Variants in DEPTOR observed in about 807,000 individuals in gnomAD.
DEPTOR encodes DEP domain-containing mTOR-interacting protein.
Under a neutral mutation model 41.6 loss-of-function variants are expected in DEPTOR, and 41 were observed. That is an observed-to-expected ratio of 0.98 (90% CI 0.77 to 1.28). The LOEUF (loss-of-function observed/expected upper bound fraction) is 1.28, where lower values mean the gene tolerates loss of function less well. Among genes scored for constraint, DEPTOR ranks in the 50% most tolerant of loss-of-function variants. The pLI, the probability that DEPTOR is intolerant of heterozygous loss-of-function variation, is 0.00. For synonymous variants in DEPTOR, 195 were observed against 192.3 expected, an observed-to-expected ratio of 1.01 and a Z score of -0.12; for missense variants, 514 against 527.9, an observed-to-expected ratio of 0.97 and a Z score of 0.26.
At chr8:120,034,725 C>G (rs2139434) in intron 8 of DEPTOR, among the ~76,000 whole-genome samples, 2 of 151,902 alleles carry the variant, frequency 1.3e-5, no homozygotes, top group African/African-American at 4.8e-5. Flanking sequence ...GCTGGGATTA[C>G]AGGCATGAGT....
At chr8:120,000,312 C>A (rs1319853593) in intron 4 of DEPTOR, among the ~76,000 whole-genome samples, 1 of 152,032 alleles carries the variant, frequency 6.6e-6, no homozygotes, top group Non-Finnish European at 1.5e-5. Context: ...AACCCCAAGG[C>A]CCCCCTCCAG....
chr8:120,004,796 T>C (rs1220622483), intron 6 of DEPTOR, among the ~76,000 whole-genome samples: 1 of 152,112 alleles, frequency 6.6e-6, no homozygotes, highest in Non-Finnish European at 1.5e-5. Context: ...TCTCTCTCAC[T>C]CTTAAGAGGA....
chr8:119,971,230 CAA>C (rs36009381), intron 4 of DEPTOR, among the ~76,000 whole-genome samples: 65,222 of 108,648 alleles, frequency 0.6, 16,111 homozygotes, highest in Middle Eastern at 0.73. Context: ...GACTCCGTCT[CAA>C]AAAAAAAAAA....
chr8:119,993,994 T>C (rs964066131), intron 4 of DEPTOR, among the ~76,000 whole-genome samples: 1 of 151,880 alleles, frequency 6.6e-6, no homozygotes. Flanking sequence ...CCATCTCTAC[T>C]AAAAATACAA....
At chr8:119,971,230 C>CA (rs36009381) in intron 4 of DEPTOR, among the ~76,000 whole-genome samples, 5,322 of 109,342 alleles carry the variant, frequency 0.049, 127 homozygotes, top group African/African-American at 0.082. Context: ...GACTCCGTCT[C>CA]AAAAAAAAAA....
intron 8 of DEPTOR, among the ~76,000 whole-genome samples, chr8:120,030,498 T>TTTG (rs1812872504): frequency 4.6e-5 from 2 of 43,670 alleles, no homozygotes; most frequent in South Asian, 7.0e-4. Flanking sequence ...GGTTCATCAG[T>TTTG]TTTTTTTTTT....
rs1171655489 is a variant in DEPTOR at position 120,030,497 on chromosome 8, G to GTTTTTTTTTTTTTTTTT, written c.1102-19067_1102-19051dup. Reference sequence around the variant, plus strand: ...AATGATGTATTGTGTAGGTTCATCAGTTTTTTTTTTTTTTTTTTTTTTTTT... The same window carrying GTTTTTTTTTTTTTTTTT: ...AATGATGTATTGTGTAGGTTCATCAGTTTTTTTTTTTTTTTTTTTTTTTTTTTTTTTTTTTTTTTTTT... On this transcript the variant is annotated intron_variant, in intron 8 of 8. Transcript: ENST00000286234. Among the ~76,000 whole-genome samples the GTTTTTTTTTTTTTTTTT allele has an allele frequency of 7.4e-4, 34 of 46,216 alleles. 5 individuals are homozygous for GTTTTTTTTTTTTTTTTT. The highest frequency in any genetic ancestry group is 1.3e-3 in the East Asian group (2 of 1,490). The allele number at this position is 46,216 out of a possible 152,430, so 30.3% of individuals were successfully genotyped here.
chr8:119,972,365 G>A (rs912060329), intron 4 of DEPTOR, among the ~76,000 whole-genome samples: 11 of 152,186 alleles, frequency 7.2e-5, no homozygotes, highest in African/African-American at 2.7e-4. Flanking sequence ...GCTCAGGCCT[G>A]TAATCCCAGC....
At chr8:119,933,328 A>G (rs1313185513) in intron 3 of DEPTOR, among the ~76,000 whole-genome samples, 1 of 151,882 alleles carries the variant, frequency 6.6e-6, no homozygotes, top group Non-Finnish European at 1.5e-5. Flanking sequence ...TATCTCTACT[A>G]AAAATATAAA....
chr8:119,916,224 C>G (rs538430717), intron 1 of DEPTOR, among the ~76,000 whole-genome samples: 2 of 151,266 alleles, frequency 1.3e-5, no homozygotes, highest in Non-Finnish European at 1.5e-5. Flanking sequence ...CTTAGTCTCC[C>G]GAGTAGCTGG....
intron 1 of DEPTOR, 34 bp downstream of exon 1, chr8:119,874,002 T>C (rs1409796933): frequency 1.2e-6 from 2 of 1,611,836 alleles, no homozygotes; most frequent in African/African-American, 2.7e-5. Flanking sequence ...GAGCTCACGA[T>C]GGCACTGCCA....
intron 4 of DEPTOR, among the ~76,000 whole-genome samples, chr8:119,985,826 CTTTTTTTTTTTTTTTTTTTTTTTTTT>C (rs999602227): frequency 9.6e-5 from 4 of 41,634 alleles, no homozygotes; most frequent in Admixed American, 6.8e-4. Context: ...AACCCCTGCT[CTTTTTTTTTTTTTTTTTTTTTTTTTT>C]TTTTTTTTTT....
At chr8:119,988,555 T>G (rs1828858193) in intron 4 of DEPTOR, among the ~76,000 whole-genome samples, 1 of 152,170 alleles carries the variant, frequency 6.6e-6, no homozygotes, top group African/African-American at 2.4e-5. Flanking sequence ...TGATCTTGGT[T>G]CACTGTAACC....
In DEPTOR at chr8:119,920,094, G is replaced by GTTT. The variant is rs3029098; in HGVS notation, c.123-8298_123-8296dup. 6.2e-3 allele frequency among the ~76,000 whole-genome samples: 934 copies of GTTT among 150,932 alleles called. 5 individuals carry two copies. Among genetic ancestry groups the GTTT allele is most frequent in the Middle Eastern group, 0.01 (3 of 292 alleles). ...GCTGTCTGAGATGAATAATAGGAAGGTTTTTTTTTTCTTAATTTATATTTC... is the reference window on the plus strand; with the variant it reads ...GCTGTCTGAGATGAATAATAGGAAGGTTTTTTTTTTTTTCTTAATTTATATTTC... On this transcript the variant is annotated intron_variant, in intron 1 of 8. Coordinates refer to ENST00000286234, the MANE Select transcript of DEPTOR (RefSeq NM_022783.4).
Position 119,928,507 on chromosome 8 carries a change from A to G in DEPTOR, c.230A>G (p.Lys77Arg), listed in dbSNP as rs1269693111. ...CTGATTGACTGGCTGATTGAACACA[A>G]AGAGGCTTCTGACAGAGAGACGGCA... ...KELIDWLIEH[K>R]EASDRETAIK... Residue 77 changes from lysine (K) to arginine (R), a missense_variant, in exon 2 of 9, where the codon AAA (lysine) becomes AGA (arginine). Coordinates refer to ENST00000286234, the MANE Select transcript of DEPTOR (RefSeq NM_022783.4). The G allele has an allele frequency of 6.2e-7, 1 of 1,614,078 alleles. No homozygotes were observed. The highest frequency in any genetic ancestry group is 1.7e-5 in the Admixed American group (1 of 60,004).
chr8:119,957,571 A>ATTTTTTTTTTTTT (rs33977088), intron 3 of DEPTOR, among the ~76,000 whole-genome samples: 1 of 147,204 alleles, frequency 6.8e-6, no homozygotes. Context: ...GGGTCCTTCT[A>ATTTTTTTTTTTTT]TTTTTTTTTT....
chr8:120,043,337 G>C (rs913012837), intron 8 of DEPTOR, among the ~76,000 whole-genome samples: 2 of 151,884 alleles, frequency 1.3e-5, no homozygotes, highest in Non-Finnish European at 1.5e-5. Flanking sequence ...TGTTTTGAAG[G>C]CATTATTTTT....
At chr8:119,955,249 G>T (rs1243026920) in intron 3 of DEPTOR, among the ~76,000 whole-genome samples, 1 of 152,122 alleles carries the variant, frequency 6.6e-6, no homozygotes, top group Non-Finnish European at 1.5e-5. Flanking sequence ...TTCTGTTCTT[G>T]ATGGTATTGT....
intron 3 of DEPTOR, among the ~76,000 whole-genome samples, chr8:119,946,383 T>A (rs1828277103): frequency 6.6e-6 from 1 of 152,186 alleles, no homozygotes; most frequent in South Asian, 2.1e-4. Context: ...GCTCAATTCA[T>A]TTTCACAAAC....
Sources: gnomAD v4.1 joint callset for allele counts (sites outside exome capture counted in the v4.1 genomes callset) on GRCh38, gnomAD v4.1.1 for gene constraint, MANE v1.5 for transcripts, NCBI Gene and HGNC (gene_info 2026-07-23, HGNC 2026-07-21) for gene names.